Variants in ERC1 observed in about 807,000 individuals in gnomAD.
ERC1 encodes the protein RAB6 interacting protein 2.
In ERC1, 56 loss-of-function variants were observed where a neutral mutation model predicts 132.0. The observed-to-expected ratio is 0.42, with a 90% CI of 0.34 to 0.53. The LOEUF (loss-of-function observed/expected upper bound fraction) is 0.53. ERC1 is among the 20% of genes least tolerant of loss of function. The pLI is 0.03. For synonymous variants in ERC1, 478 were observed against 476.1 expected (o/e 1.00, Z -0.05); for missense variants, 1,202 against 1,349.9 (o/e 0.89, Z 1.72).
At chr12:1,118,177 G>A (rs1299568941) in intron 7 of ERC1, among the ~76,000 whole-genome samples, 2 of 152,196 alleles carry the variant, frequency 1.3e-5, no homozygotes, top group Non-Finnish European at 2.9e-5. Flanking sequence ...AGAAGAGGGT[G>A]CCAGTGTTCT....
intron 14 of ERC1, among the ~76,000 whole-genome samples, chr12:1,276,825 A>G (rs1432604538): frequency 1.3e-5 from 2 of 152,196 alleles, no homozygotes; most frequent in Non-Finnish European, 2.9e-5. Context: ...GCATCACTGT[A>G]CTTACTAAAC....
rs966502739 is a variant in ERC1, at chr12:1,323,807, A to G, written c.2780+33795A>G. Among the ~76,000 whole-genome samples, 13 of 152,138 alleles carry G rather than the reference A, an allele frequency of 8.5e-5. No homozygotes were observed. The South Asian group carries it at 2.3e-3, about 27-fold the overall frequency. On this transcript the variant is annotated intron_variant, in intron 15 of 18. Transcript: ENST00000360905. ...AGGAATGATTGTTCTTGTCTTTTCAATTTTTTCTTTTAAATGTGCAACATG... is the reference window on the plus strand; with the variant it reads ...AGGAATGATTGTTCTTGTCTTTTCAGTTTTTTCTTTTAAATGTGCAACATG...
intron 2 of ERC1, among the ~76,000 whole-genome samples, chr12:1,035,854 G>A (rs1349851793): frequency 6.6e-6 from 1 of 151,832 alleles, no homozygotes; most frequent in African/African-American, 2.4e-5. Flanking sequence ...CCCGAGAGGC[G>A]GAGCTTGCAG....
intron 17 of ERC1, among the ~76,000 whole-genome samples, chr12:1,442,982 A>G (rs558985504): frequency 6.7e-6 from 1 of 150,170 alleles, no homozygotes; most frequent in Non-Finnish European, 1.5e-5. Context: ...ATCTCGGCTC[A>G]CTGCAAGCTC....
intron 15 of ERC1, among the ~76,000 whole-genome samples, chr12:1,311,741 C>G (rs1456064272): frequency 6.6e-6 from 1 of 152,182 alleles, no homozygotes; most frequent in African/African-American, 2.4e-5. Flanking sequence ...CAAAAAGATG[C>G]AATTGCTTTA....
intron 16 of ERC1, among the ~76,000 whole-genome samples, chr12:1,400,670 A>G (rs1009905923): frequency 6.6e-6 from 1 of 152,090 alleles, no homozygotes; most frequent in Non-Finnish European, 1.5e-5. Flanking sequence ...GTCCCACACC[A>G]TGGGATGAAA....
chr12:1,175,431 T>C (rs1459635286), intron 8 of ERC1, among the ~76,000 whole-genome samples: 1 of 151,332 alleles, frequency 6.6e-6, no homozygotes, highest in African/African-American at 2.4e-5. Flanking sequence ...TTCAGCAATG[T>C]TCACATCATC....
intron 18 of ERC1, among the ~76,000 whole-genome samples, chr12:1,464,809 G>A (rs919475873): frequency 2.0e-5 from 3 of 151,640 alleles, no homozygotes; most frequent in Admixed American, 6.6e-5. Flanking sequence ...CGTGAGCCAC[G>A]GTGCATGGCC....
chr12:1,469,649 T>G (rs2093817353), intron 18 of ERC1, among the ~76,000 whole-genome samples: 1 of 152,230 alleles, frequency 6.6e-6, no homozygotes, highest in Non-Finnish European at 1.5e-5. Context: ...AAGCATTCGT[T>G]GAGCCAGACT....
intron 8 of ERC1, among the ~76,000 whole-genome samples, chr12:1,179,112 G>A (rs1435368839): frequency 2.0e-5 from 3 of 152,112 alleles, no homozygotes; most frequent in Non-Finnish European, 2.9e-5. Context: ...TTGTACTTGA[G>A]TGATAACATG....
chr12:1,035,135 C>T (rs1228705874), intron 2 of ERC1, among the ~76,000 whole-genome samples: 1 of 152,204 alleles, frequency 6.6e-6, no homozygotes, highest in African/African-American at 2.4e-5. Context: ...AGATTATAGT[C>T]AGCCAGCAGT....
intron 14 of ERC1, among the ~76,000 whole-genome samples, chr12:1,265,571 T>G (rs1438692664): frequency 1.3e-5 from 2 of 152,208 alleles, no homozygotes; most frequent in Non-Finnish European, 2.9e-5. Context: ...TTTAATACAT[T>G]GTTATTAACT....
At chr12:1,358,685 AC>A (rs990320199) in intron 15 of ERC1, among the ~76,000 whole-genome samples, 1 of 152,150 alleles carries the variant, frequency 6.6e-6, no homozygotes, top group African/African-American at 2.4e-5. Flanking sequence ...ACAACTCTCC[AC>A]AGCCGCTGAC....
chr12:1,261,178 G>C (rs2077121725), intron 13 of ERC1, among the ~76,000 whole-genome samples: 1 of 152,206 alleles, frequency 6.6e-6, no homozygotes, highest in Non-Finnish European at 1.5e-5. Flanking sequence ...GCTTGAAATA[G>C]ATTCCTGGGA....
chr12:1,034,268 A>T (rs1968638285), intron 2 of ERC1, among the ~76,000 whole-genome samples: 1 of 152,136 alleles, frequency 6.6e-6, no homozygotes, highest in South Asian at 2.1e-4. Context: ...GCTGAGACAT[A>T]ATTTTTTATT....
Position 1,470,929 on chromosome 12 carries a change from C to A in ERC1, c.3214-19164C>A, listed in dbSNP as rs773452459. 3.5e-4 allele frequency among the ~76,000 whole-genome samples: 53 copies of A among 152,284 alleles called. 1 individual carries two copies. The highest frequency in any genetic ancestry group is 3.1e-3 in the South Asian group (15 of 4,826). On this transcript the variant is annotated intron_variant, in intron 18 of 18. Transcript: ENST00000360905. ...ACCACGTCACAGTTCCTTTGGTGTT[C>A]CAGGGACATTTCTATACAAGAGATG...
chr12:1,103,201 A>C (rs1038605446), intron 3 of ERC1, among the ~76,000 whole-genome samples: 2 of 152,228 alleles, frequency 1.3e-5, no homozygotes, highest in Non-Finnish European at 2.9e-5. Context: ...AAAGAAGTGA[A>C]GTCTTCCCCT....
At position 1,091,368 on chromosome 12, in the gene ERC1, G is replaced by A. The variant is rs1413554988; in HGVS notation, c.1086+7788G>A. On this transcript the variant is annotated intron_variant, in intron 3 of 18. Coordinates refer to ENST00000360905, the MANE Select transcript of ERC1 (RefSeq NM_178040.4). ...GTAGGTACCCTTTCAGTGGAGATCT[G>A]AAGAGAAGAAGCCAGCTTTGCCAAG... 3.3e-5 allele frequency among the ~76,000 whole-genome samples: 5 copies of A among 151,770 alleles called. No individual in the cohort carries two copies. The East Asian group carries it at 7.7e-4, about 23-fold the overall frequency.
rs1472827611 is a variant in ERC1 at position 1,190,058 on chromosome 12, A to C, written c.2351+6A>C. The C allele has an allele frequency of 3.7e-6, 6 of 1,610,292 alleles. No homozygotes were observed. Among genetic ancestry groups the C allele is most frequent in the African/African-American group, 2.7e-5 (2 of 74,780 alleles). ...AAGATAGCTGAGTTGGAAAGGTAAG[A>C]AAGTGAAGCTGATTGGGGCTTATGA... is the stretch of plus-strand genomic sequence containing the variant. On this transcript the variant is annotated splice_donor_region_variant and intron_variant, in intron 12 of 18. Transcript: ENST00000360905.
Sources: allele counts gnomAD v4.1 joint callset (sites outside exome capture counted in the v4.1 genomes callset), GRCh38; gene constraint gnomAD v4.1.1; transcripts MANE v1.5; gene names NCBI Gene and HGNC (gene_info 2026-07-23, HGNC 2026-07-21).